Variants in ATRX observed in about 807,000 individuals in gnomAD.
The protein encoded by ATRX is chromatin remodeler ATRX.
Under a neutral mutation model 172.6 loss-of-function variants are expected in ATRX, and 12 were observed. That is an observed-to-expected ratio of 0.07 (90% confidence interval 0.04 to 0.11). ATRX has a LOEUF of 0.11. ATRX is among the 10% of genes least tolerant of loss of function. The pLI is 1.00. For synonymous variants in ATRX, 674 were observed against 594.7 expected (o/e 1.13, Z -1.94); for missense variants, 1,368 against 1,767.4 (o/e 0.77, Z 4.05).
chrX:77,656,336 G>T (rs1250472256), intron 13 of ATRX, among the ~76,000 whole-genome samples: 1 of 111,370 alleles, frequency 9.0e-6, no homozygotes, highest in Admixed American at 9.6e-5. Flanking sequence ...AGACACGAGT[G>T]GTTTTGCAGA....
intron 30 of ATRX, among the ~76,000 whole-genome samples, chrX:77,530,356 C>T (rs2063530712): frequency 9.0e-6 from 1 of 111,561 alleles, no homozygotes; most frequent in Non-Finnish European, 1.9e-5. Context: ...TCTGTAATCC[C>T]TGCACTTTGG....
intron 6 of ATRX, chrX:77,690,816 T>C (rs1557146667): frequency 8.9e-6 from 1 of 112,552 alleles, no homozygotes; most frequent in Non-Finnish European, 1.9e-5. Flanking sequence ...GTATCTTCTA[T>C]GTGCTTTGGT....
Position 77,682,683 on chromosome X carries a change from T to C in ATRX, c.2573A>G (p.Lys858Arg), listed in dbSNP as rs782593341. The change falls in exon 9 of 35, where the codon AAA (lysine) becomes AGA (arginine). Residue 858 changes from lysine (K) to arginine (R), a missense_variant. Coordinates refer to ENST00000373344, the MANE Select transcript of ATRX (RefSeq NM_000489.6). ...TTTGTGCCCTTGATTATCCATTCCT[T>C]TTTTGCTGTGTTTCTCATCTTCAGA... ...DSSEDEKHSK[K>R]GMDNQGHKNL... 32 of 1,207,496 alleles carry C rather than the reference T, an allele frequency of 2.7e-5. 1 individual carries two copies. In the South Asian group the frequency reaches 5.3e-4, roughly 20 times the overall value.
At chrX:77,551,673 G>A (rs1371359963) in intron 30 of ATRX, among the ~76,000 whole-genome samples, 3 of 112,017 alleles carry the variant, frequency 2.7e-5, no homozygotes, top group South Asian at 3.7e-4. Context: ...CCATCAGAGT[G>A]AATGGGCAAC....
chrX:77,551,415 A>G (rs1232023750), intron 30 of ATRX, among the ~76,000 whole-genome samples: 1 of 112,265 alleles, frequency 8.9e-6, no homozygotes, highest in Admixed American at 9.4e-5. Context: ...GGCTAGCCAT[A>G]TGTAGAAAGC....
chrX:77,550,598 G>A (rs782281559), intron 30 of ATRX, among the ~76,000 whole-genome samples: 2 of 111,385 alleles, frequency 1.8e-5, no homozygotes, highest in African/African-American at 6.5e-5. Flanking sequence ...TCAACATAGT[G>A]TTGGAAGTTC....
At chrX:77,716,323 A>AAAATATAT (rs1557165064) in intron 2 of ATRX, among the ~76,000 whole-genome samples, 1 of 21,027 alleles carries the variant, frequency 4.8e-5, no homozygotes, top group African/African-American at 1.7e-4. Flanking sequence ...AAAAAAAAAA[A>AAAATATAT]ATATATATAT....
chrX:77,547,537 G>A (rs949272432), intron 30 of ATRX, among the ~76,000 whole-genome samples: 1 of 111,812 alleles, frequency 8.9e-6, no homozygotes, highest in South Asian at 3.7e-4. Context: ...CTGTTAACAA[G>A]TATTTATTGT....
At position 77,702,182 on chromosome X, in the gene ATRX, C is replaced by T. The variant is rs1449018446; in HGVS notation, c.134-3553G>A. 2.7e-5 allele frequency among the ~76,000 whole-genome samples: 3 copies of T among 112,794 alleles called. No homozygotes were observed. In the East Asian group the frequency reaches 8.3e-4, roughly 31 times the overall value. On this transcript the variant is annotated intron_variant, in intron 2 of 34. Coordinates refer to ENST00000373344, the MANE Select transcript of ATRX (RefSeq NM_000489.6). The stretch of plus-strand genomic sequence containing the variant: ...AATAGGCTGGGCGCAGTGGCTCACG[C>T]CTGTAATCCCAAAACTTTGGGAGGC...
intron 1 of ATRX, among the ~76,000 whole-genome samples, chrX:77,741,889 A>T (rs1450076690): frequency 8.9e-6 from 1 of 112,260 alleles, no homozygotes; most frequent in Non-Finnish European, 1.9e-5. Flanking sequence ...CATGAAAATC[A>T]GCCCAAATGT....
chrX:77,572,148 G>C lies in ATRX; in HGVS notation c.6326+2102C>G, dbSNP rs782439536. 3.7e-3 allele frequency among the ~76,000 whole-genome samples: 405 copies of C among 110,630 alleles called. 2 individuals carry two copies. The highest frequency in any genetic ancestry group is 5.6e-3 in the Non-Finnish European group (297 of 52,738). On this transcript the variant is annotated intron_variant, in intron 28 of 34. Transcript: ENST00000373344. ...TAACATCTGTGGATTTCATGTGTAT[G>C]GGTTCAGCTACTCAAGAGCAACTCC... is the stretch of plus-strand genomic sequence containing the variant.
intron 1 of ATRX, among the ~76,000 whole-genome samples, chrX:77,728,822 C>T (rs2074170357): frequency 1.0e-5 from 1 of 98,258 alleles, no homozygotes; most frequent in East Asian, 3.1e-4. Flanking sequence ...TGCAGTGGTT[C>T]GATCTCGGCT....
At chrX:77,700,689 T>C (rs1411701406) in intron 2 of ATRX, among the ~76,000 whole-genome samples, 1 of 112,401 alleles carries the variant, frequency 8.9e-6, no homozygotes, top group Admixed American at 9.4e-5. Context: ...ATCCAGACAA[T>C]GGAATATTAT....
chrX:77,609,773 G>A (rs183462062), intron 22 of ATRX, among the ~76,000 whole-genome samples: 7 of 111,829 alleles, frequency 6.3e-5, no homozygotes, highest in Admixed American at 1.9e-4. Context: ...CACCATACCC[G>A]TCCAGGAGCT....
intron 9 of ATRX, among the ~76,000 whole-genome samples, chrX:77,676,605 C>T (rs2070877507): frequency 8.9e-6 from 1 of 112,012 alleles, no homozygotes; most frequent in African/African-American, 3.2e-5. Flanking sequence ...GCATAAGTTT[C>T]TTGCCACAAT....
intron 1 of ATRX, among the ~76,000 whole-genome samples, chrX:77,760,539 G>A (rs887969314): frequency 4.7e-5 from 5 of 107,521 alleles, no homozygotes; most frequent in Admixed American, 3.0e-4. Flanking sequence ...GTTAGTGGGT[G>A]CAGCACACCA....
chrX:77,669,018 A>C (rs936772222), intron 10 of ATRX, among the ~76,000 whole-genome samples: 3 of 111,738 alleles, frequency 2.7e-5, no homozygotes, highest in Non-Finnish European at 5.6e-5. Flanking sequence ...TGCAATCAAG[A>C]GAAGGACCTC....
At chrX:77,583,941 G>C (rs908347860) in intron 27 of ATRX, among the ~76,000 whole-genome samples, 7 of 112,102 alleles carry the variant, frequency 6.2e-5, no homozygotes, top group Non-Finnish European at 1.3e-4. Flanking sequence ...GAAATTCTGT[G>C]AAGTGGCAGG....
chrX:77,748,152 A>G (rs782255090), intron 1 of ATRX, among the ~76,000 whole-genome samples: 4 of 112,113 alleles, frequency 3.6e-5, no homozygotes, highest in Admixed American at 9.5e-5. Context: ...TGATCCATGC[A>G]TTTATTGTAT....
Sources: gnomAD v4.1 joint callset for allele counts (sites outside exome capture counted in the v4.1 genomes callset) on GRCh38, gnomAD v4.1.1 for gene constraint, MANE v1.5 for transcripts, NCBI Gene and HGNC (gene_info 2026-07-23, HGNC 2026-07-21) for gene names.